Variants in GRB14 observed in about 807,000 individuals in gnomAD.
The protein encoded by GRB14 is growth factor receptor bound protein 14, also known as growth factor receptor-bound protein 14.
GRB14 carries 38 observed loss-of-function variants against 69.1 expected under a neutral mutation model. The observed-to-expected ratio is 0.55, with a 90% CI of 0.42 to 0.72. The LOEUF is 0.72. Ranked by LOEUF, GRB14 falls within the 30% of genes least tolerant of loss-of-function variation. The pLI, the probability that GRB14 is intolerant of heterozygous loss-of-function variation, is 0.00. For missense variants in GRB14, 666 were observed against 666.1 expected (o/e 1.00, Z 0.00); for synonymous variants, 247 against 241.3 (o/e 1.02, Z -0.22).
intron 3 of GRB14, among the ~76,000 whole-genome samples, chr2:164,529,811 C>A (rs1687876356): frequency 6.6e-6 from 1 of 152,180 alleles, no homozygotes; most frequent in Admixed American, 6.5e-5. Flanking sequence ...AATGTGAACC[C>A]TGCCCAAAAA....
intron 2 of GRB14, among the ~76,000 whole-genome samples, chr2:164,554,403 GGAAGAAATTCTTCCTGGACCCTAAA>G: frequency 6.6e-6 from 1 of 152,214 alleles, no homozygotes; most frequent in East Asian, 1.9e-4. Context: ...GATGCCAACA[GGAAGAAATTCTTCCTGGACCCTAAA>G]GAAGAATAGG....
At chr2:164,607,195 T>C (rs1431664981) in intron 2 of GRB14, among the ~76,000 whole-genome samples, 2 of 152,228 alleles carry the variant, frequency 1.3e-5, no homozygotes, top group Non-Finnish European at 2.9e-5. Context: ...ACATTTGATA[T>C]CATTTATATT....
At chr2:164,530,555 C>T (rs2105292492) in intron 3 of GRB14, among the ~76,000 whole-genome samples, 1 of 151,960 alleles carries the variant, frequency 6.6e-6, no homozygotes, top group South Asian at 2.1e-4. Context: ...ATCAAGAAGG[C>T]CTCATTGAGA....
At chr2:164,502,597 A>G (rs1202730547) in intron 8 of GRB14, among the ~76,000 whole-genome samples, 1 of 151,778 alleles carries the variant, frequency 6.6e-6, no homozygotes, top group Admixed American at 6.6e-5. Context: ...TCTACTCATT[A>G]TTCTTAGCAC....
At position 164,568,275 on chromosome 2, in the gene GRB14, A is replaced by C. The variant is rs1350545624; in HGVS notation, c.325-20459T>G. 8 of 1,231,540 alleles carry C rather than the reference A, an allele frequency of 6.5e-6. 1 individual carries two copies. The South Asian group carries it at 1.0e-4, about 16-fold the overall frequency. 76.3% of individuals were successfully genotyped at this position (1,231,540 alleles called of 1,614,324 possible). On this transcript the variant is annotated intron_variant, in intron 2 of 13. Coordinates refer to ENST00000263915, the MANE Select transcript of GRB14 (RefSeq NM_004490.3). ...ACAGTAACAGGGGAAAAAAAGCAGC[A>C]AGAAAAATTAAAGAAAAAAAGGATA...
intron 3 of GRB14, among the ~76,000 whole-genome samples, chr2:164,528,881 T>C (rs1269059880): frequency 6.6e-6 from 1 of 152,080 alleles, no homozygotes; most frequent in Non-Finnish European, 1.5e-5. Flanking sequence ...AAAATTACCA[T>C]AGGATCAGCA....
Position 164,493,009 on chromosome 2 carries a change from TA to T in GRB14, c.*26del, listed in dbSNP as rs772345124. The T allele has an allele frequency of 1.5e-5, 24 of 1,587,964 alleles. No individual in the cohort carries two copies. Among genetic ancestry groups the T allele is most frequent in the Non-Finnish European group, 2.6e-6 (3 of 1,167,966 alleles). On this transcript the variant is annotated 3_prime_UTR_variant, in exon 14 of 14. Transcript: ENST00000263915. Reference sequence around the variant, plus strand: ...TTTTTCTTGAGTCCTTTTCCTTCAATAGTTTAATAAGTCACTTCTGGCTTGT... The same window carrying T: ...TTTTTCTTGAGTCCTTTTCCTTCAATGTTTAATAAGTCACTTCTGGCTTGT...
intron 5 of GRB14, among the ~76,000 whole-genome samples, chr2:164,523,250 G>T (rs992367765): frequency 2.0e-5 from 3 of 152,026 alleles, no homozygotes; most frequent in African/African-American, 7.3e-5. Context: ...AATGTAAATG[G>T]ATACTTTAAA....
chr2:164,560,894 A>T (rs1568504), intron 2 of GRB14, among the ~76,000 whole-genome samples: 118,740 of 152,126 alleles, frequency 0.78, 46,821 homozygotes, highest in African/African-American at 0.83. Flanking sequence ...AGCAAGCATT[A>T]TTAATATCCT....
intron 6 of GRB14, among the ~76,000 whole-genome samples, chr2:164,514,408 C>T (rs1302697264): frequency 6.6e-6 from 1 of 152,160 alleles, no homozygotes; most frequent in East Asian, 1.9e-4. Context: ...GGGGATCGTC[C>T]ACCCCTGAAC....
At chr2:164,542,460 A>G (rs1312375080) in intron 3 of GRB14, among the ~76,000 whole-genome samples, 1 of 152,248 alleles carries the variant, frequency 6.6e-6, no homozygotes, top group Non-Finnish European at 1.5e-5. Context: ...CAGATTAAAC[A>G]GACAACCTAC....
At chr2:164,547,509 A>C (rs1167256420) in intron 3 of GRB14, 151 bp downstream of exon 3, 5 of 551,166 alleles carry the variant, frequency 9.1e-6, no homozygotes, top group African/African-American at 1.9e-5. Flanking sequence ...CAGAAGGAAA[A>C]AAAGAAAAAA....
At chr2:164,601,966 TA>T (rs1468775105) in intron 2 of GRB14, among the ~76,000 whole-genome samples, 1 of 152,060 alleles carries the variant, frequency 6.6e-6, no homozygotes, top group Non-Finnish European at 1.5e-5. Context: ...TATATAAATC[TA>T]AAACCGGTTC....
chr2:164,570,133 G>C (rs1032387204), intron 2 of GRB14, among the ~76,000 whole-genome samples: 1 of 151,844 alleles, frequency 6.6e-6, no homozygotes, highest in African/African-American at 2.4e-5. Context: ...AAATTAGCCA[G>C]GCATGGTGGC....
intron 8 of GRB14, among the ~76,000 whole-genome samples, chr2:164,502,903 A>G (rs557771930): frequency 6.1e-4 from 93 of 152,256 alleles, no homozygotes; most frequent in African/African-American, 2.2e-3. Flanking sequence ...GGAAACCAAA[A>G]TAGTGAGGAA....
intron 8 of GRB14, among the ~76,000 whole-genome samples, chr2:164,507,040 C>T (rs182068136): frequency 1.8e-4 from 28 of 152,224 alleles, no homozygotes; most frequent in Non-Finnish European, 2.2e-4. Flanking sequence ...ATGCACTAAA[C>T]GCCACTGAAT....
intron 6 of GRB14, among the ~76,000 whole-genome samples, chr2:164,510,263 A>T (rs1326269483): frequency 6.6e-6 from 1 of 152,222 alleles, no homozygotes; most frequent in African/African-American, 2.4e-5. Flanking sequence ...GAAGGCAATA[A>T]GAGGTATGAT....
chr2:164,589,677 A>G (rs751808899), intron 2 of GRB14, among the ~76,000 whole-genome samples: 1 of 152,088 alleles, frequency 6.6e-6, no homozygotes, highest in Non-Finnish European at 1.5e-5. Context: ...CATGGCCCAA[A>G]CAGAAGTAGG....
intron 2 of GRB14, among the ~76,000 whole-genome samples, chr2:164,548,391 TG>T (rs927555749): frequency 6.6e-6 from 1 of 152,202 alleles, no homozygotes; most frequent in Non-Finnish European, 1.5e-5. Flanking sequence ...TCTGTATGTG[TG>T]TGTGTGTGTG....
Sources: allele counts gnomAD v4.1 joint callset (sites outside exome capture counted in the v4.1 genomes callset), GRCh38; gene constraint gnomAD v4.1.1; transcripts MANE v1.5; gene names NCBI Gene and HGNC (gene_info 2026-07-23, HGNC 2026-07-21).